Variants in SCN11A observed in about 807,000 individuals in gnomAD.
The protein encoded by SCN11A is sodium voltage-gated channel alpha subunit 11, also known as sodium channel protein type 11 subunit alpha.
Under a neutral mutation model 162.2 loss-of-function variants are expected in SCN11A, and 122 were observed. That is an observed-to-expected ratio of 0.75 (90% confidence interval 0.65 to 0.87). SCN11A has a LOEUF of 0.87. SCN11A is among the 40% of genes least tolerant of loss of function. The pLI is 0.00. For missense variants in SCN11A, 2,015 were observed against 2,181.6 expected (o/e 0.92, Z 1.52); for synonymous variants, 758 against 751.5 (o/e 1.01, Z -0.14).
chr3:38,982,582 G>C (rs2030095566), intron 2 of SCN11A, among the ~76,000 whole-genome samples: 2 of 152,160 alleles, frequency 1.3e-5, no homozygotes, highest in South Asian at 2.1e-4. Context: ...TGTTTTACTG[G>C]AACAAGCTTT....
chr3:38,975,999 A>G (rs73068601), intron 2 of SCN11A, among the ~76,000 whole-genome samples: 20,513 of 152,158 alleles, frequency 0.13, 1,633 homozygotes, highest in East Asian at 0.24. Flanking sequence ...AATATTTTAA[A>G]AGGAAAAAAG....
intron 1 of SCN11A, among the ~76,000 whole-genome samples, chr3:39,045,660 A>G (rs2032165979): frequency 6.6e-6 from 1 of 152,204 alleles, no homozygotes; most frequent in Non-Finnish European, 1.5e-5. Flanking sequence ...AATAAAGGCC[A>G]TATATGACAA....
intron 11 of SCN11A, among the ~76,000 whole-genome samples, chr3:38,916,093 A>C (rs911863046): frequency 1.3e-5 from 2 of 151,962 alleles, no homozygotes; most frequent in African/African-American, 4.8e-5. Context: ...TGTTGGTTTA[A>C]AGTCTGTTTT....
chr3:39,026,037 T>A lies in SCN11A; in HGVS notation c.-280+6343A>T, dbSNP rs1237214777. 3 of 152,176 alleles carry A rather than the reference T, an allele frequency of 2.0e-5. No individual in the cohort carries two copies. In the South Asian group the frequency reaches 6.2e-4, roughly 31 times the overall value. The allele number at this position is 152,176 out of a possible 1,614,324, so 9.4% of individuals were successfully genotyped here. A position where few individuals can be genotyped will look rare whatever the true frequency, so the allele number is the denominator to read the frequency against. On this transcript the variant is annotated intron_variant, in intron 2 of 29. Coordinates refer to ENST00000302328, the MANE Select transcript of SCN11A (RefSeq NM_001349253.2). ...TAAAATTAGAATGATACAGAGAAGA[T>A]TAACATGACCCCTGCACAAGAATAA...
rs762175378 is a variant in SCN11A at position 38,926,770 on chromosome 3, A to G, written c.617+33T>C. 1.9e-6 allele frequency: 3 copies of G among 1,606,782 alleles called. No individual in the cohort carries two copies. In the South Asian group the frequency reaches 3.3e-5, roughly 18 times the overall value. ...AGCAAAGGGGCTTCTTTCCCACTCC[A>G]AGTCTCTTCAAAAACATCTTTAATA... On this transcript the variant is annotated intron_variant, in intron 8 of 29. Coordinates refer to ENST00000302328, the MANE Select transcript of SCN11A (RefSeq NM_001349253.2).
chr3:38,884,939 T>C (rs2065370172), intron 21 of SCN11A, among the ~76,000 whole-genome samples: 1 of 152,272 alleles, frequency 6.6e-6, no homozygotes, highest in Admixed American at 6.5e-5. Flanking sequence ...CTACAATGTC[T>C]AAACTCTTTT....
At chr3:38,897,259 A>T (rs765655520) in intron 17 of SCN11A, 34 bp from the exon 18 acceptor site, 1 of 1,556,274 alleles carries the variant, frequency 6.4e-7, no homozygotes, top group East Asian at 2.3e-5. Flanking sequence ...AAATGGAAGA[A>T]AAGCCAGTTA....
intron 23 of SCN11A, among the ~76,000 whole-genome samples, chr3:38,875,873 A>G (rs1386485935): frequency 6.6e-6 from 1 of 152,060 alleles, no homozygotes; most frequent in Admixed American, 6.6e-5. Flanking sequence ...TAAAATTTAC[A>G]TGGAACCAAA....
chr3:38,894,934 T>G lies in SCN11A; in HGVS notation c.2434A>C (p.Asn812His). ...TTTCTTTCCTCATTGCTAAAGGAAT[T>G]GAGCAGTAAGGCAATGAAGAGGTTG... ...VLNLFIALLL[N>H]SFSNEERNGN... Residue 812 changes from asparagine (N) to histidine (H), a missense_variant, in exon 19 of 30, where the codon AAT (asparagine) becomes CAT (histidine). Coordinates refer to ENST00000302328, the MANE Select transcript of SCN11A (RefSeq NM_001349253.2). The G allele has an allele frequency of 6.2e-7, 1 of 1,613,098 alleles. No homozygotes were observed. Among genetic ancestry groups the G allele is most frequent in the South Asian group, 1.1e-5 (1 of 91,004 alleles).
At chr3:38,933,250 T>C (rs1429730778) in intron 7 of SCN11A, among the ~76,000 whole-genome samples, 2 of 151,832 alleles carry the variant, frequency 1.3e-5, no homozygotes, top group African/African-American at 2.4e-5. Flanking sequence ...AGACCAAAAG[T>C]AGGTAAAACC....
intron 7 of SCN11A, among the ~76,000 whole-genome samples, chr3:38,933,462 GT>G (rs1369579339): frequency 6.6e-6 from 1 of 152,176 alleles, no homozygotes; most frequent in Non-Finnish European, 1.5e-5. Flanking sequence ...AGGCAAAGAA[GT>G]TGAAAACTTT....
intron 2 of SCN11A, among the ~76,000 whole-genome samples, chr3:39,002,815 T>C (rs930680361): frequency 3.3e-5 from 5 of 152,196 alleles, no homozygotes; most frequent in South Asian, 2.1e-4. Context: ...AGAAACATAC[T>C]TGCGTTAGCC....
At chr3:39,043,173 T>C (rs1258011068) in intron 1 of SCN11A, among the ~76,000 whole-genome samples, 1 of 152,046 alleles carries the variant, frequency 6.6e-6, no homozygotes, top group Non-Finnish European at 1.5e-5. Flanking sequence ...ATAACAAATG[T>C]TGGCGAGGAT....
chr3:39,028,469 T>C (rs774393261), intron 2 of SCN11A, among the ~76,000 whole-genome samples: 11 of 152,236 alleles, frequency 7.2e-5, no homozygotes, highest in Non-Finnish European at 1.5e-4. Flanking sequence ...TTTATATTAA[T>C]TATGTTTCTA....
intron 4 of SCN11A, among the ~76,000 whole-genome samples, chr3:38,951,455 CG>C (rs1301055363): frequency 6.6e-6 from 1 of 152,244 alleles, no homozygotes; most frequent in Non-Finnish European, 1.5e-5. Context: ...GGCTCCTGTG[CG>C]GCCGGAGCCT....
At chr3:39,006,500 G>A (rs1203201510) in intron 2 of SCN11A, among the ~76,000 whole-genome samples, 1 of 151,972 alleles carries the variant, frequency 6.6e-6, no homozygotes, top group Admixed American at 6.6e-5. Flanking sequence ...AGACATCTGG[G>A]AGCTTTTTTA....
intron 11 of SCN11A, among the ~76,000 whole-genome samples, chr3:38,910,442 G>T (rs542731375): frequency 6.6e-6 from 1 of 152,320 alleles, no homozygotes; most frequent in South Asian, 2.1e-4. Flanking sequence ...AGTGACACGT[G>T]AACAATGAAT....
chr3:38,939,625 C>T (rs746036265), intron 7 of SCN11A, among the ~76,000 whole-genome samples: 1 of 152,112 alleles, frequency 6.6e-6, no homozygotes, highest in Non-Finnish European at 1.5e-5. Context: ...ATTTCAAGGC[C>T]GGGCGCAGTG....
intron 2 of SCN11A, among the ~76,000 whole-genome samples, chr3:38,992,363 G>C (rs1202350730): frequency 6.6e-6 from 1 of 152,132 alleles, no homozygotes; most frequent in South Asian, 2.1e-4. Context: ...CCTCAAGAAT[G>C]GTCTGTGCTT....
Sources: gnomAD v4.1 joint callset for allele counts (sites outside exome capture counted in the v4.1 genomes callset) on GRCh38, gnomAD v4.1.1 for gene constraint, MANE v1.5 for transcripts, NCBI Gene and HGNC (gene_info 2026-07-23, HGNC 2026-07-21) for gene names.